The following SCCPDH variants were observed in gnomAD, a reference collection of about 807,000 sequenced individuals.
The protein encoded by SCCPDH is saccharopine dehydrogenase-like oxidoreductase.
SCCPDH carries 34 observed loss-of-function variants against 51.5 expected under a neutral mutation model. That is an observed-to-expected ratio of 0.66 (90% confidence interval 0.50 to 0.88). The LOEUF (loss-of-function observed/expected upper bound fraction) is 0.88, where lower values mean the gene tolerates loss of function less well. Ranked by LOEUF, SCCPDH falls within the 40% of genes least tolerant of loss-of-function variation. The pLI, the probability that SCCPDH is intolerant of heterozygous loss-of-function variation, is 0.00. For missense variants in SCCPDH, 464 were observed against 527.1 expected, an observed-to-expected ratio of 0.88 and a Z score of 1.17; for synonymous variants, 187 against 191.3, an observed-to-expected ratio of 0.98 and a Z score of 0.19.
rs1013976499 is a variant in SCCPDH at position 246,764,237 on chromosome 1, C to T, written c.991-9C>T. ...TTATGAAATGCGCCCTTTGCCTTCT[C>T]CTTCACAGATTGATGCTGCCTCATT... On this transcript the variant is annotated splice_polypyrimidine_tract_variant and intron_variant, in intron 9 of 11. Coordinates refer to ENST00000366510, the MANE Select transcript of SCCPDH (RefSeq NM_016002.3). 2.5e-5 allele frequency: 40 copies of T among 1,590,718 alleles called. No homozygotes were observed. The highest frequency in any genetic ancestry group is 2.9e-5 in the Non-Finnish European group (34 of 1,159,924).
chr1:246,725,178 G>A (rs966790409), intron 1 of SCCPDH, among the ~76,000 whole-genome samples: 5 of 152,204 alleles, frequency 3.3e-5, no homozygotes, highest in African/African-American at 4.8e-5. Context: ...AGAATAAAAA[G>A]TGTGTATTTC....
chr1:246,744,057 C>T lies in SCCPDH; in HGVS notation c.515-19C>T. The T allele has an allele frequency of 6.6e-7, 1 of 1,505,940 alleles. No homozygotes were observed. Among genetic ancestry groups the T allele is most frequent in the Non-Finnish European group, 9.2e-7 (1 of 1,091,628 alleles). 93.3% of individuals were successfully genotyped at this position (1,505,940 alleles called of 1,614,324 possible). On this transcript the variant is annotated intron_variant, in intron 4 of 11. Coordinates refer to ENST00000366510, the MANE Select transcript of SCCPDH (RefSeq NM_016002.3). Reference sequence around the variant, plus strand: ...GATGTTATTTTATTTTGCTTTTTACCATTCTCCTACTCTTTTAGGTACTTT... The same window carrying T: ...GATGTTATTTTATTTTGCTTTTTACTATTCTCCTACTCTTTTAGGTACTTT...
rs148069007 is a variant in SCCPDH at position 246,765,953 on chromosome 1, C to G, written c.1103-105C>G. On this transcript the variant is annotated intron_variant, in intron 10 of 11. Transcript: ENST00000366510. Reference sequence around the variant, plus strand: ...GACCAGAGTATCTATTGAAAAAAATCTGCACACCTAGAGTAAGATATAAAA... The same window carrying G: ...GACCAGAGTATCTATTGAAAAAAATGTGCACACCTAGAGTAAGATATAAAA... 964 of 722,904 alleles carry G rather than the reference C, an allele frequency of 1.3e-3. 7 individuals carry two copies. The African/African-American group carries it at 0.015, about 11-fold the overall frequency. 44.8% of individuals were successfully genotyped at this position (722,904 alleles called of 1,614,324 possible). A position where few individuals can be genotyped will look rare whatever the true frequency, so the allele number is the denominator to read the frequency against.
At chr1:246,750,244 G>T (rs1188769756) in intron 5 of SCCPDH, among the ~76,000 whole-genome samples, 1 of 150,792 alleles carries the variant, frequency 6.6e-6, no homozygotes, top group Non-Finnish European at 1.5e-5. Context: ...AACTCTAGCG[G>T]GGGGGTACCT....
In SCCPDH at chr1:246,724,418, T is replaced by C. The variant is rs750332746; in HGVS notation, c.-5T>C. The C allele has an allele frequency of 3.2e-6, 5 of 1,560,920 alleles. No individual in the cohort carries two copies. In the African/African-American group the frequency reaches 5.7e-5, roughly 18 times the overall value. On this transcript the variant is annotated 5_prime_UTR_variant, in exon 1 of 12. Coordinates refer to ENST00000366510, the MANE Select transcript of SCCPDH (RefSeq NM_016002.3). The stretch of plus-strand genomic sequence containing the variant: ...CCCGGGGCCTGGGCTCGCTGTGGAC[T>C]CGTCATGGCGACCGAGCAGAGGCCT...
At chr1:246,761,994 T>C (rs547714189) in intron 9 of SCCPDH, among the ~76,000 whole-genome samples, 1 of 152,330 alleles carries the variant, frequency 6.6e-6, no homozygotes, top group South Asian at 2.1e-4. Context: ...GCTGCACCGT[T>C]TTACCTTCCC....
At chr1:246,756,005 G>A (rs1015142823) in intron 5 of SCCPDH, among the ~76,000 whole-genome samples, 1 of 152,216 alleles carries the variant, frequency 6.6e-6, no homozygotes, top group Admixed American at 6.5e-5. Context: ...TAGATGGATT[G>A]TGGATGCCCT....
rs763348120 is a variant in SCCPDH, at chr1:246,736,011, A to G, written c.340A>G (p.Ile114Val). The change falls in exon 3 of 12, where the codon ATT (isoleucine) becomes GTT (valine). Residue 114 changes from isoleucine to valine, a missense_variant. Transcript: ENST00000366510. ...TGGAGAACCTGTAATAAAAGCATGT[A>G]TTGAAAATGGAGCCAGTTGTATCGA... Reference protein sequence around the residue: ...FYGEPVIKACIENGASCIDIS... With the variant: ...FYGEPVIKACVENGASCIDIS... 2.5e-6 allele frequency: 4 copies of G among 1,613,152 alleles called. No homozygotes were observed.
chr1:246,734,021 C>A (rs1337032338), intron 2 of SCCPDH, among the ~76,000 whole-genome samples: 7 of 152,108 alleles, frequency 4.6e-5, no homozygotes, highest in South Asian at 4.1e-4. Flanking sequence ...GGCAGTGATT[C>A]TCCATCTTTG....
intron 10 of SCCPDH, among the ~76,000 whole-genome samples, chr1:246,764,806 T>G (rs564923931): frequency 6.6e-6 from 1 of 152,384 alleles, no homozygotes; most frequent in Admixed American, 6.5e-5. Context: ...GTTAAAAGAA[T>G]GTTGCCCAAA....
At chr1:246,755,222 G>A (rs369330380) in intron 5 of SCCPDH, among the ~76,000 whole-genome samples, 1 of 152,158 alleles carries the variant, frequency 6.6e-6, no homozygotes, top group East Asian at 1.9e-4. Context: ...CTTCAAATTT[G>A]TTTATAATCT....
intron 5 of SCCPDH, among the ~76,000 whole-genome samples, chr1:246,750,524 A>G (rs1200307517): frequency 2.0e-5 from 3 of 152,156 alleles, no homozygotes; most frequent in Non-Finnish European, 2.9e-5. Context: ...AGTTTGGTTC[A>G]TTCTTTCCAC....
intron 2 of SCCPDH, among the ~76,000 whole-genome samples, chr1:246,727,846 G>A (rs1401123656): frequency 6.6e-6 from 1 of 152,116 alleles, no homozygotes; most frequent in African/African-American, 2.4e-5. Context: ...AGCAACCCGG[G>A]AGCTGGGTCA....
At chr1:246,727,581 A>G (rs1327981292) in intron 2 of SCCPDH, among the ~76,000 whole-genome samples, 1 of 152,212 alleles carries the variant, frequency 6.6e-6, no homozygotes, top group Non-Finnish European at 1.5e-5. Context: ...AGAAAAGTGA[A>G]GCCAAGAAAG....
chr1:246,747,284 A>T (rs1457325945), intron 5 of SCCPDH, among the ~76,000 whole-genome samples: 1 of 152,208 alleles, frequency 6.6e-6, no homozygotes, highest in Non-Finnish European at 1.5e-5. Flanking sequence ...CCCAGTTTAT[A>T]TGTCAAACAA....
intron 4 of SCCPDH, 26 bp from the exon 5 acceptor site, chr1:246,744,050 T>A (rs763102089): frequency 6.8e-7 from 1 of 1,466,638 alleles, no homozygotes; most frequent in South Asian, 1.2e-5. Context: ...TTTATTTTGC[T>A]TTTTACCATT....
intron 7 of SCCPDH, among the ~76,000 whole-genome samples, chr1:246,759,493 T>G (rs1452041014): frequency 1.3e-5 from 2 of 152,186 alleles, no homozygotes; most frequent in African/African-American, 4.8e-5. Flanking sequence ...TTCTGTCCCC[T>G]CTCTCCTTGC....
intron 5 of SCCPDH, among the ~76,000 whole-genome samples, chr1:246,757,065 C>A (rs965416918): frequency 7.2e-5 from 11 of 152,236 alleles, no homozygotes; most frequent in African/African-American, 2.6e-4. Context: ...AGTGCTAGGC[C>A]GGGCGCGGTG....
intron 7 of SCCPDH, among the ~76,000 whole-genome samples, chr1:246,759,502 G>A (rs986411005): frequency 1.3e-5 from 2 of 152,138 alleles, no homozygotes; most frequent in African/African-American, 4.8e-5. Context: ...CTCTCTCCTT[G>A]CCACGCCTGG....
Sources: gnomAD v4.1 joint callset for allele counts (sites outside exome capture counted in the v4.1 genomes callset) on GRCh38, gnomAD v4.1.1 for gene constraint, MANE v1.5 for transcripts, NCBI Gene and HGNC (gene_info 2026-07-23, HGNC 2026-07-21) for gene names.